IL7: variants seen among roughly 807,000 people sequenced by gnomAD.
The protein encoded by IL7 is interleukin-7.
IL7 carries 3 observed loss-of-function variants against 21.6 expected under a neutral mutation model. The ratio of observed to expected loss-of-function variants is 0.14; its 90% CI spans 0.06 to 0.36. The LOEUF (loss-of-function observed/expected upper bound fraction) is 0.36. Ranked by LOEUF, IL7 falls within the 10% of genes least tolerant of loss-of-function variation. The pLI, the probability that IL7 is intolerant of heterozygous loss-of-function variation, is 1.00. For synonymous variants in IL7, 62 were observed against 68.1 expected (o/e 0.91, Z 0.44); for missense variants, 175 against 200.2 (o/e 0.87, Z 0.76).
At chr8:78,714,321 T>C (rs900559571), downstream of IL7, among the ~76,000 whole-genome samples, 1 of 152,154 alleles carries the variant, frequency 6.6e-6, no homozygotes, top group African/African-American at 2.4e-5. Context: ...TAAATTTCTA[T>C]GGGCAAAATA....
chr8:78,711,319 C>A (rs1174735226), intron 3 of IL7, among the ~76,000 whole-genome samples: 3 of 152,016 alleles, frequency 2.0e-5, no homozygotes, highest in Admixed American at 6.6e-5. Context: ...TACAAACCTG[C>A]AGTTTGTCCT....
intron 3 of IL7, among the ~76,000 whole-genome samples, chr8:78,686,127 G>T (rs10102877): frequency 6.6e-6 from 1 of 151,930 alleles, no homozygotes; most frequent in Admixed American, 6.6e-5. Context: ...TCCCCACCTC[G>T]TACTACTGTT....
intron 2 of IL7, among the ~76,000 whole-genome samples, chr8:78,778,211 C>A (rs1813197904): frequency 6.6e-6 from 1 of 152,064 alleles, no homozygotes; most frequent in Non-Finnish European, 1.5e-5. Context: ...TGCACACAAT[C>A]TTTAACAGCC....
chr8:78,789,297 C>G (rs1813611062), intron 2 of IL7, among the ~76,000 whole-genome samples: 1 of 152,066 alleles, frequency 6.6e-6, no homozygotes, highest in Admixed American at 6.6e-5. Flanking sequence ...ATTAGTCATG[C>G]TACTGAGTCA....
At chr8:78,714,701 T>TA (rs1011166398), downstream of IL7, among the ~76,000 whole-genome samples, 42 of 152,330 alleles carry the variant, frequency 2.8e-4, 1 homozygote, top group African/African-American at 9.6e-4. Context: ...GTGCAGTTGG[T>TA]AAAATTAAAT....
intron 3 of IL7, among the ~76,000 whole-genome samples, chr8:78,694,344 C>T (rs962231471): frequency 2.6e-5 from 4 of 150,958 alleles, no homozygotes; most frequent in Non-Finnish European, 5.9e-5. Flanking sequence ...TTATTATTGA[C>T]CTTTGCTGCT....
At chr8:78,698,117 T>C (rs1409063947) in intron 3 of IL7, among the ~76,000 whole-genome samples, 2 of 152,220 alleles carry the variant, frequency 1.3e-5, no homozygotes, top group Non-Finnish European at 2.9e-5. Flanking sequence ...TAGCTCTTCA[T>C]AGCTTTCTGA....
At chr8:78,772,433 A>G (rs556784426) in intron 2 of IL7, among the ~76,000 whole-genome samples, 1 of 152,286 alleles carries the variant, frequency 6.6e-6, no homozygotes, top group Non-Finnish European at 1.5e-5. Flanking sequence ...TTTTATGCAT[A>G]AAATATAGAA....
intron 2 of IL7, chr8:78,760,607 A>G (rs1812520253): frequency 2.6e-6 from 4 of 1,565,182 alleles, no homozygotes; most frequent in African/African-American, 2.8e-5. Context: ...TGAGGGTACC[A>G]GAGATAAGCA....
At chr8:78,780,644 C>T (rs768258922) in intron 2 of IL7, among the ~76,000 whole-genome samples, 4 of 152,154 alleles carry the variant, frequency 2.6e-5, no homozygotes, top group African/African-American at 7.2e-5. Context: ...GAGTGTTTTA[C>T]ATCCAATTAT....
intron 5 of IL7, among the ~76,000 whole-genome samples, chr8:78,735,815 A>G (rs1428368155): frequency 1.3e-5 from 2 of 152,176 alleles, no homozygotes; most frequent in African/African-American, 2.4e-5. Context: ...AATAATGGAA[A>G]TATAAAAGAA....
At chr8:78,710,982 A>T (rs181490072) in intron 3 of IL7, among the ~76,000 whole-genome samples, 1 of 152,074 alleles carries the variant, frequency 6.6e-6, no homozygotes, top group African/African-American at 2.4e-5. Flanking sequence ...TCAGACACTA[A>T]ACTCCATAAG....
intron 2 of IL7, among the ~76,000 whole-genome samples, chr8:78,751,683 C>T (rs1459787557): frequency 1.3e-5 from 2 of 152,110 alleles, no homozygotes; most frequent in East Asian, 1.9e-4. Flanking sequence ...GATATATTTC[C>T]ATATGTGATA....
In IL7 at chr8:78,733,463, A is replaced by T. The variant is rs984701264; in HGVS notation, c.*250T>A. ...CATGGATTGTCTTACAAAAATCAGTACAGAATTATACTGATTGATAAATGT... is the reference window on the plus strand; with the variant it reads ...CATGGATTGTCTTACAAAAATCAGTTCAGAATTATACTGATTGATAAATGT... On this transcript the variant is annotated 3_prime_UTR_variant, in exon 6 of 6. Transcript: ENST00000263851. The T allele has an allele frequency of 3.2e-6, 1 of 314,840 alleles. No individual in the cohort carries two copies. The highest frequency in any genetic ancestry group is 5.8e-6 in the Non-Finnish European group (1 of 173,176). The allele number at this position is 314,840 out of a possible 1,614,324, so 19.5% of individuals were successfully genotyped here.
intron 2 of IL7, among the ~76,000 whole-genome samples, chr8:78,746,111 C>T (rs78704008): frequency 6.6e-6 from 1 of 152,142 alleles, no homozygotes; most frequent in African/African-American, 2.4e-5. Context: ...ATTTTTTTAT[C>T]TGGGTGGCCA....
intron 4 of IL7, among the ~76,000 whole-genome samples, chr8:78,677,495 A>G (rs1809619352): frequency 6.6e-6 from 1 of 152,178 alleles, no homozygotes; most frequent in African/African-American, 2.4e-5. Flanking sequence ...CACCTGTCCT[A>G]TTATTTTGTG....
intron 2 of IL7, among the ~76,000 whole-genome samples, chr8:78,767,510 A>G (rs567430614): frequency 2.6e-5 from 4 of 152,040 alleles, no homozygotes; most frequent in Non-Finnish European, 5.9e-5. Context: ...TTCTCTACCA[A>G]TCTAATTAGT....
rs943427757 is a variant in IL7, at chr8:78,708,875, A to G, written n.214+12473T>C. Among the ~76,000 whole-genome samples, 30 of 151,994 alleles carry G rather than the reference A, an allele frequency of 2.0e-4. 1 individual carries two copies. The highest frequency in any genetic ancestry group is 1.8e-3 in the Admixed American group (28 of 15,244). On this transcript the variant is annotated intron_variant and non_coding_transcript_variant, in intron 3 of 4. Transcript: ENST00000523959. ...AATTTTTATGGGTTTTCACCATGTT[A>G]GGCTGGTCTCAAACTTCCGACCTCA...
At chr8:78,702,898 T>C (rs1196624124) in intron 3 of IL7, among the ~76,000 whole-genome samples, 1 of 152,136 alleles carries the variant, frequency 6.6e-6, no homozygotes, top group Non-Finnish European at 1.5e-5. Context: ...AATTTTATTT[T>C]ATTTTATTTT....
Sources: allele counts gnomAD v4.1 joint callset (sites outside exome capture counted in the v4.1 genomes callset), GRCh38; gene constraint gnomAD v4.1.1; transcripts MANE v1.5; gene names NCBI Gene and HGNC (gene_info 2026-07-23, HGNC 2026-07-21).